Variants in SRPK2 observed in about 807,000 individuals in gnomAD.
The protein encoded by SRPK2 is SRSF protein kinase 2, also known as SFRS protein kinase 2.
In SRPK2, 21 loss-of-function variants were observed where a neutral mutation model predicts 90.8. The observed-to-expected ratio is 0.23, with a 90% CI of 0.16 to 0.33. The LOEUF is 0.33. Among genes scored for constraint, SRPK2 ranks in the 10% least tolerant of loss-of-function variants. The pLI, the probability that SRPK2 is intolerant of heterozygous loss-of-function variation, is 1.00. For missense variants in SRPK2, 620 were observed against 869.0 expected, an observed-to-expected ratio of 0.71 and a Z score of 3.60; for synonymous variants, 288 against 311.1, an observed-to-expected ratio of 0.93 and a Z score of 0.78.
upstream of SRPK2, among the ~76,000 whole-genome samples, chr7:105,391,469 T>C (rs985529248): frequency 6.6e-6 from 1 of 152,144 alleles, no homozygotes; most frequent in Non-Finnish European, 1.5e-5. Flanking sequence ...CTTCCCAAAG[T>C]GCTGGGATTA....
At position 105,183,131 on chromosome 7, in the gene SRPK2, T is replaced by A. The variant is rs3801287; in HGVS notation, c.230-13866A>T. On this transcript the variant is annotated intron_variant, in intron 3 of 15. Coordinates refer to ENST00000393651, the MANE Select transcript of SRPK2 (RefSeq NM_182692.3). ...TCAAATTCTAGACAAAGAAAATTAT[T>A]TAAATACAAATAAGGATCTCTTATG... Among the ~76,000 whole-genome samples, 468 of 152,340 alleles carry A rather than the reference T, an allele frequency of 3.1e-3. 14 individuals carry two copies. The East Asian group carries it at 0.062, about 20-fold the overall frequency.
chr7:105,360,098 C>T (rs1293478480), intron 2 of SRPK2, among the ~76,000 whole-genome samples: 1 of 152,156 alleles, frequency 6.6e-6, no homozygotes, highest in East Asian at 1.9e-4. Context: ...ATAGTTAGCT[C>T]TTCTTGTTGA....
chr7:105,253,335 A>G (rs933521398), intron 2 of SRPK2, among the ~76,000 whole-genome samples: 4 of 152,226 alleles, frequency 2.6e-5, no homozygotes, highest in South Asian at 2.1e-4. Flanking sequence ...GGGGAAAAAT[A>G]TATTTCTTTA....
At chr7:105,271,012 C>T (rs1805762345) in intron 2 of SRPK2, among the ~76,000 whole-genome samples, 1 of 152,146 alleles carries the variant, frequency 6.6e-6, no homozygotes, top group South Asian at 2.1e-4. Context: ...ACCTCAACAT[C>T]CCCATTTTTA....
At chr7:105,219,999 T>C (rs978100145) in intron 2 of SRPK2, among the ~76,000 whole-genome samples, 1 of 152,200 alleles carries the variant, frequency 6.6e-6, no homozygotes, top group African/African-American at 2.4e-5. Context: ...CTTAGAGCCA[T>C]GTAAGCCAAA....
chr7:105,318,843 A>T (rs1366755365), intron 2 of SRPK2, among the ~76,000 whole-genome samples: 1 of 152,214 alleles, frequency 6.6e-6, no homozygotes, highest in Non-Finnish European at 1.5e-5. Context: ...ACTGGTATAA[A>T]ATCCTGGTAA....
Position 105,117,818 on chromosome 7 carries a change from T to A in SRPK2, c.*20A>T. ...ACTGGGAACATTTGCTAGCTCAGAATGCAATATTGGTAGAATTTGCTAAGA... is the reference window on the plus strand; with the variant it reads ...ACTGGGAACATTTGCTAGCTCAGAAAGCAATATTGGTAGAATTTGCTAAGA... On this transcript the variant is annotated 3_prime_UTR_variant, in exon 16 of 16. Coordinates refer to ENST00000393651, the MANE Select transcript of SRPK2 (RefSeq NM_182692.3). 6.2e-7 allele frequency: 1 copy of A among 1,611,706 alleles called. No homozygotes were observed. Among genetic ancestry groups the A allele is most frequent in the Middle Eastern group, 2.2e-4 (1 of 4,462 alleles).
intron 2 of SRPK2, among the ~76,000 whole-genome samples, chr7:105,290,066 T>C (rs1808752096): frequency 6.6e-6 from 1 of 151,958 alleles, no homozygotes; most frequent in Non-Finnish European, 1.5e-5. Context: ...GCACAGTTCT[T>C]AGAACCCCAA....
intron 2 of SRPK2, among the ~76,000 whole-genome samples, chr7:105,244,398 TGTGTCTACTAAA>T (rs571790539): frequency 1.3e-5 from 2 of 152,280 alleles, no homozygotes; most frequent in South Asian, 4.1e-4. Flanking sequence ...GGTGAAACCC[TGTGTCTACTAAA>T]AATACAAAAA....
intron 2 of SRPK2, among the ~76,000 whole-genome samples, chr7:105,320,918 A>C (rs1031512991): frequency 3.9e-5 from 6 of 152,100 alleles, no homozygotes; most frequent in Non-Finnish European, 8.8e-5. Flanking sequence ...GTTGCCCTAA[A>C]CTTCCAGGCC....
chr7:105,284,640 T>C (rs1807817829), intron 2 of SRPK2, among the ~76,000 whole-genome samples: 1 of 152,256 alleles, frequency 6.6e-6, no homozygotes, highest in Non-Finnish European at 1.5e-5. Context: ...ATTTTGTGTC[T>C]GTACTCCCAC....
rs373681394 is a variant in SRPK2 at position 105,302,646 on chromosome 7, C to T, written c.71+86002G>A. On this transcript the variant is annotated intron_variant, in intron 2 of 15. Transcript: ENST00000393651. ...CTTTTAATTTTTGAAAGGTGAACTG[C>T]TTCCCTTTAATAAATTAATATCTAT... Among the ~76,000 whole-genome samples the T allele has an allele frequency of 6.6e-5, 10 of 152,148 alleles. No homozygotes were observed. In the South Asian group the frequency reaches 2.1e-3, roughly 32 times the overall value.
At chr7:105,241,368 C>A (rs990869333) in intron 2 of SRPK2, among the ~76,000 whole-genome samples, 1 of 152,126 alleles carries the variant, frequency 6.6e-6, no homozygotes, top group Non-Finnish European at 1.5e-5. Context: ...TACCTATTTG[C>A]CCTAGGTAAA....
chr7:105,331,099 T>G (rs897819098), intron 2 of SRPK2, among the ~76,000 whole-genome samples: 27 of 151,850 alleles, frequency 1.8e-4, no homozygotes, highest in Non-Finnish European at 2.6e-4. Flanking sequence ...GTCAGGAGTT[T>G]GACAACAGCC....
At chr7:105,155,704 C>T (rs947146592) in intron 7 of SRPK2, among the ~76,000 whole-genome samples, 5 of 152,152 alleles carry the variant, frequency 3.3e-5, no homozygotes, top group Non-Finnish European at 7.4e-5. Context: ...TAATTGGGTA[C>T]TGTGAGAAGC....
chr7:105,396,785 A>G (rs1822338081), intron 1 of SRPK2, among the ~76,000 whole-genome samples: 1 of 130,302 alleles, frequency 7.7e-6, no homozygotes. Flanking sequence ...AGAGAGAGAA[A>G]GAAAGAAAGA....
chr7:105,271,695 CA>C (rs952967369), intron 2 of SRPK2, among the ~76,000 whole-genome samples: 14 of 152,204 alleles, frequency 9.2e-5, no homozygotes, highest in Non-Finnish European at 2.9e-5. Flanking sequence ...CCTCAGTCCA[CA>C]GACTCTTGAA....
chr7:105,124,147 C>T lies in SRPK2; in HGVS notation c.1915+2101G>A, dbSNP rs78073758. On this transcript the variant is annotated intron_variant, in intron 15 of 15. Coordinates refer to ENST00000393651, the MANE Select transcript of SRPK2 (RefSeq NM_182692.3). ...CGCAGGCCGCTCTCACTGAAAGGAACCATCACAGGAGTGACAGCCCAAGAG... is the reference window on the plus strand; with the variant it reads ...CGCAGGCCGCTCTCACTGAAAGGAATCATCACAGGAGTGACAGCCCAAGAG... 9.2e-3 allele frequency among the ~76,000 whole-genome samples: 1,403 copies of T among 152,260 alleles called. 10 individuals are homozygous for T. The highest frequency in any genetic ancestry group is 0.03 in the South Asian group (147 of 4,828).
chr7:105,341,173 G>A (rs2131879648), intron 2 of SRPK2, among the ~76,000 whole-genome samples: 1 of 151,756 alleles, frequency 6.6e-6, no homozygotes, highest in South Asian at 2.1e-4. Flanking sequence ...AGACCAGCCT[G>A]ACCAACATGG....
Sources: gnomAD v4.1 joint callset for allele counts (sites outside exome capture counted in the v4.1 genomes callset) on GRCh38, gnomAD v4.1.1 for gene constraint, MANE v1.5 for transcripts, NCBI Gene and HGNC (gene_info 2026-07-23, HGNC 2026-07-21) for gene names.